The following KCNMA1 variants were observed in gnomAD, a reference collection of about 807,000 sequenced individuals.
The protein encoded by KCNMA1 is potassium calcium-activated channel subfamily M alpha 1.
Under a neutral mutation model 140.0 loss-of-function variants are expected in KCNMA1, and 29 were observed. The ratio of observed to expected loss-of-function variants is 0.21; its 90% CI spans 0.15 to 0.28. KCNMA1 has a LOEUF of 0.28. KCNMA1 is among the 10% of genes least tolerant of loss of function. The probability of loss-of-function intolerance (pLI) is 1.00; values close to 1 mark genes in which losing one functional copy is unlikely to be tolerated. For synonymous variants in KCNMA1, 612 were observed against 611.9 expected, an observed-to-expected ratio of 1.00 and a Z score of 0.00; for missense variants, 880 against 1,602.2, an observed-to-expected ratio of 0.55 and a Z score of 7.70.
chr10:76,949,433 TA>T (rs2065406735), intron 21 of KCNMA1, 67 bp from the exon 22 acceptor site: 5 of 1,285,452 alleles, frequency 3.9e-6, no homozygotes, highest in African/African-American at 1.5e-5. Flanking sequence ...AGGAGTGAAA[TA>T]AATCATTTGT....
chr10:76,893,099 G>A (rs911951115), intron 25 of KCNMA1, among the ~76,000 whole-genome samples: 5 of 152,148 alleles, frequency 3.3e-5, no homozygotes, highest in Non-Finnish European at 5.9e-5. Context: ...GCTGGGCTGA[G>A]GGGTTTAATG....
intron 14 of KCNMA1, 108 bp from the exon 15 acceptor site, chr10:77,039,745 T>G: frequency 1.4e-6 from 1 of 735,368 alleles, no homozygotes; most frequent in South Asian, 1.5e-5. Context: ...GGTTAGATAA[T>G]GGTGACCTTT....
At chr10:77,060,274 C>T (rs999567790) in intron 14 of KCNMA1, among the ~76,000 whole-genome samples, 5 of 152,118 alleles carry the variant, frequency 3.3e-5, no homozygotes, top group African/African-American at 1.2e-4. Flanking sequence ...AAAAAGAATA[C>T]ATTTGGAGGA....
chr10:77,196,288 T>C (rs753561873), intron 3 of KCNMA1, among the ~76,000 whole-genome samples: 1 of 152,158 alleles, frequency 6.6e-6, no homozygotes, highest in Non-Finnish European at 1.5e-5. Context: ...TTATGAGGAA[T>C]CACTGTGTTT....
chr10:77,435,500 T>C (rs2097243002), intron 1 of KCNMA1, among the ~76,000 whole-genome samples: 2 of 152,100 alleles, frequency 1.3e-5, no homozygotes, highest in Admixed American at 1.3e-4. Context: ...CGAGACTTTC[T>C]CCCTGAGATA....
chr10:77,600,405 C>T (rs186215466), intron 1 of KCNMA1, among the ~76,000 whole-genome samples: 1 of 152,240 alleles, frequency 6.6e-6, no homozygotes, highest in Non-Finnish European at 1.5e-5. Flanking sequence ...GTCACTTAGT[C>T]CTCACAGCAG....
At chr10:77,155,692 AAAAC>A (rs1468007147) in intron 5 of KCNMA1, among the ~76,000 whole-genome samples, 1 of 152,160 alleles carries the variant, frequency 6.6e-6, no homozygotes, top group Non-Finnish European at 1.5e-5. Flanking sequence ...GATCTGAACT[AAAAC>A]AATAAGAAGA....
intron 5 of KCNMA1, among the ~76,000 whole-genome samples, chr10:77,180,677 C>G (rs991004957): frequency 2.0e-5 from 3 of 152,112 alleles, no homozygotes; most frequent in Non-Finnish European, 2.9e-5. Context: ...GACTCTATTT[C>G]TTCACTGTTG....
At chr10:77,044,181 T>C (rs2094904021) in intron 14 of KCNMA1, among the ~76,000 whole-genome samples, 1 of 152,232 alleles carries the variant, frequency 6.6e-6, no homozygotes, top group South Asian at 2.1e-4. Context: ...TCATAGTGCA[T>C]CACAAACTCA....
At chr10:77,435,764 G>C (rs1035743993) in intron 1 of KCNMA1, among the ~76,000 whole-genome samples, 25 of 152,188 alleles carry the variant, frequency 1.6e-4, no homozygotes, top group African/African-American at 5.8e-4. Flanking sequence ...GACTGAATTA[G>C]ATTTCCAAAG....
intron 2 of KCNMA1, among the ~76,000 whole-genome samples, chr10:77,390,853 T>G (rs1297384577): frequency 6.6e-6 from 1 of 152,136 alleles, no homozygotes. Flanking sequence ...TTTTTGTGAT[T>G]CAGCCTCTGT....
At chr10:77,289,770 T>C (rs1175879568) in intron 2 of KCNMA1, among the ~76,000 whole-genome samples, 1 of 152,220 alleles carries the variant, frequency 6.6e-6, no homozygotes, top group Admixed American at 6.5e-5. Flanking sequence ...ATCAAAAATT[T>C]CCTTCATGAT....
chr10:77,562,792 C>T (rs2066815417), intron 1 of KCNMA1, among the ~76,000 whole-genome samples: 1 of 152,218 alleles, frequency 6.6e-6, no homozygotes, highest in Non-Finnish European at 1.5e-5. Flanking sequence ...TGCTTAGATT[C>T]AGTTAGACAC....
intron 5 of KCNMA1, among the ~76,000 whole-genome samples, chr10:77,153,538 A>AT (rs1238904074): frequency 6.6e-6 from 1 of 151,654 alleles, no homozygotes; most frequent in Non-Finnish European, 1.5e-5. Context: ...CATCCAGCTA[A>AT]TTTTTTGTAT....
chr10:76,914,021 G>A, intron 24 of KCNMA1: 4 of 1,436,322 alleles, frequency 2.8e-6, no homozygotes, highest in Admixed American at 2.0e-5. Context: ...CAGAACAAAA[G>A]GAGATACTGA....
chr10:77,548,099 G>GC (rs2061867500), intron 1 of KCNMA1, among the ~76,000 whole-genome samples: 1 of 151,930 alleles, frequency 6.6e-6, no homozygotes, highest in African/African-American at 2.4e-5. Flanking sequence ...TAATATCTCT[G>GC]GAATATATTT....
At chr10:77,467,925 G>A (rs977302766) in intron 1 of KCNMA1, among the ~76,000 whole-genome samples, 1 of 152,184 alleles carries the variant, frequency 6.6e-6, no homozygotes, top group Non-Finnish European at 1.5e-5. Flanking sequence ...AGTACACTAG[G>A]AATTAATATG....
At chr10:77,149,041 A>C (rs1369358369) in intron 5 of KCNMA1, among the ~76,000 whole-genome samples, 1 of 152,214 alleles carries the variant, frequency 6.6e-6, no homozygotes, top group African/African-American at 2.4e-5. Context: ...AATCATTTCT[A>C]TTCAAATAGA....
chr10:76,967,683 T>C (rs993460038), intron 20 of KCNMA1, among the ~76,000 whole-genome samples: 3 of 152,092 alleles, frequency 2.0e-5, no homozygotes. Flanking sequence ...CCAGCTGGGC[T>C]GCGAAGGGAG....
Sources: allele counts gnomAD v4.1 joint callset (sites outside exome capture counted in the v4.1 genomes callset), GRCh38; gene constraint gnomAD v4.1.1; transcripts MANE v1.5; gene names NCBI Gene and HGNC (gene_info 2026-07-23, HGNC 2026-07-21).